JAK2: variants seen among roughly 807,000 people sequenced by gnomAD.
JAK2 encodes the protein tyrosine-protein kinase JAK2.
A neutral mutation model predicts 139.3 loss-of-function variants in JAK2; 86 were observed. That is an observed-to-expected ratio of 0.62 (90% CI 0.52 to 0.74). The LOEUF (loss-of-function observed/expected upper bound fraction) is 0.74, where lower values mean the gene tolerates loss of function less well. Ranked by LOEUF, JAK2 falls within the 30% of genes least tolerant of loss-of-function variation. JAK2 has a pLI of 0.00. For synonymous variants in JAK2, 490 were observed against 437.7 expected (o/e 1.12, Z -1.49); for missense variants, 1,421 against 1,360.3 (o/e 1.04, Z -0.70).
Position 5,054,704 on chromosome 9 carries a change from T to G in JAK2, c.756T>G (p.Leu252=). 6.2e-7 allele frequency: 1 copy of G among 1,613,392 alleles called. No individual in the cohort carries two copies. The highest frequency in any genetic ancestry group is 8.5e-7 in the Non-Finnish European group (1 of 1,179,452). ...AAGCCACTGCCAGAAACTTGAAACT[T>G]AAGTATCTTATAAATCTGGAAACTC... ...QCKATARNLK[L]KYLINLETLQ... The change falls in exon 7 of 25, where the codon CTT becomes CTG. Residue 252 remains leucine (L), a synonymous_variant. Transcript: ENST00000381652. The surrounding 1 kb of genome is among the most constrained non-coding windows in gnomAD (Gnocchi z 4.9).
intron 8 of JAK2, among the ~76,000 whole-genome samples, chr9:5,056,912 A>G (rs190295301): frequency 1.8e-4 from 27 of 152,314 alleles, no homozygotes; most frequent in African/African-American, 6.0e-4. Flanking sequence ...TGGTAGGGCT[A>G]TTTAAACTCA....
intron 10 of JAK2, among the ~76,000 whole-genome samples, chr9:5,068,181 A>C (rs951335003): frequency 3.3e-5 from 5 of 152,070 alleles, no homozygotes; most frequent in Non-Finnish European, 7.4e-5. Flanking sequence ...CAACAAAAAA[A>C]AAAAAAAACA....
At chr9:4,998,497 C>A (rs371505621) in intron 2 of JAK2, among the ~76,000 whole-genome samples, 1 of 152,070 alleles carries the variant, frequency 6.6e-6, no homozygotes, top group South Asian at 2.1e-4. Context: ...CCTCGTGATC[C>A]GCCCGCCTTG....
At chr9:5,077,907 T>G (rs1246287498) in intron 15 of JAK2, among the ~76,000 whole-genome samples, 2 of 152,172 alleles carry the variant, frequency 1.3e-5, no homozygotes, top group African/African-American at 4.8e-5. Context: ...TACATTATGG[T>G]CCATGAGAAA....
chr9:5,031,456 A>G (rs1461594827), intron 4 of JAK2, among the ~76,000 whole-genome samples: 2 of 152,210 alleles, frequency 1.3e-5, no homozygotes, highest in African/African-American at 4.8e-5. Context: ...AAATCTTTTC[A>G]TATTAACGTG....
chr9:5,082,916 G>C (rs796229285), intron 19 of JAK2, among the ~76,000 whole-genome samples: 3 of 152,246 alleles, frequency 2.0e-5, no homozygotes, highest in African/African-American at 7.2e-5. Flanking sequence ...AATTGTTCAG[G>C]GTACAGATCA....
chr9:5,085,942 T>G (rs1586762517), intron 19 of JAK2: 17 of 1,120,526 alleles, frequency 1.5e-5, no homozygotes, highest in Non-Finnish European at 2.3e-5. Flanking sequence ...CAACCGAGTT[T>G]GAAAGGATCG....
intron 5 of JAK2, among the ~76,000 whole-genome samples, chr9:5,047,902 G>A (rs1817128856): frequency 6.6e-6 from 1 of 151,978 alleles, no homozygotes; most frequent in African/African-American, 2.4e-5. Flanking sequence ...CACCTGGCCT[G>A]AAATTTTTCA....
At chr9:5,042,305 T>G (rs895328552) in intron 4 of JAK2, among the ~76,000 whole-genome samples, 15 of 150,012 alleles carry the variant, frequency 1.0e-4, no homozygotes, top group African/African-American at 3.4e-4. Context: ...GCCCGGCTAA[T>G]TTTTTGTATT....
At chr9:5,083,502 A>G (rs1379159475) in intron 19 of JAK2, among the ~76,000 whole-genome samples, 1 of 152,168 alleles carries the variant, frequency 6.6e-6, no homozygotes, top group Non-Finnish European at 1.5e-5. Context: ...TTTTCTGGGA[A>G]CTTATAGCAT....
chr9:5,044,724 G>GT (rs981039783), intron 5 of JAK2, among the ~76,000 whole-genome samples: 2 of 152,188 alleles, frequency 1.3e-5, no homozygotes, highest in Admixed American at 6.5e-5. Context: ...ATTTTATAAA[G>GT]TTTTTTTGGA....
At chr9:5,088,311 T>C (rs1820291508) in intron 19 of JAK2, among the ~76,000 whole-genome samples, 1 of 152,192 alleles carries the variant, frequency 6.6e-6, no homozygotes, top group Admixed American at 6.5e-5. Flanking sequence ...CTACATGGTC[T>C]AGGTTTTTTA....
chr9:5,010,481 C>T lies in JAK2; in HGVS notation c.-25-11482C>T, dbSNP rs139479139. Among the ~76,000 whole-genome samples the T allele has an allele frequency of 1.4e-4, 21 of 152,060 alleles. No homozygotes were observed. The East Asian group carries it at 2.1e-3, about 15-fold the overall frequency. The stretch of plus-strand genomic sequence containing the variant: ...GATTACAGGCGTGTACCACTATGCC[C>T]GGCTAATTTTTATATTTTTAGTACA... On this transcript the variant is annotated intron_variant, in intron 2 of 24. Transcript: ENST00000381652.
intron 19 of JAK2, 59 bp downstream of exon 19, chr9:5,081,920 G>C (rs993617433): frequency 2.1e-5 from 29 of 1,398,798 alleles, no homozygotes; most frequent in Admixed American, 3.7e-5. Context: ...AAAAACTTAA[G>C]AGCGTTTCTA....
rs529894844 is a variant in JAK2, at chr9:5,111,271, C to G, written c.3060-11733C>G. ...AGAGACGCAGGCGTGCGCAGCCTGA[C>G]TCAGGCTGGCTTCCTGCCGGGCAAG... On this transcript the variant is annotated intron_variant, in intron 22 of 24. Coordinates refer to ENST00000381652, the MANE Select transcript of JAK2 (RefSeq NM_004972.4). 639 of 491,846 alleles carry G rather than the reference C, an allele frequency of 1.3e-3. 5 individuals carry two copies. Among genetic ancestry groups the G allele is most frequent in the African/African-American group, 0.011 (587 of 51,672 alleles). 30.5% of individuals were successfully genotyped at this position (491,846 alleles called of 1,614,324 possible). A position where few individuals can be genotyped will look rare whatever the true frequency, so the allele number is the denominator to read the frequency against.
chr9:4,993,825 T>G (rs1241798563), intron 2 of JAK2, among the ~76,000 whole-genome samples: 1 of 152,236 alleles, frequency 6.6e-6, no homozygotes, highest in Non-Finnish European at 1.5e-5. Context: ...GGCCACTGTT[T>G]GTGTGGAGTT....
Position 5,126,860 on chromosome 9 carries a change from GGACT to G in JAK2, c.*70_*73del. On this transcript the variant is annotated 3_prime_UTR_variant, in exon 25 of 25. Transcript: ENST00000381652. ...AAAGTTTTATATTTCACATTGCTGT[GGACT>G]ATTATTACATATATCATTATTATAT... The G allele has an allele frequency of 3.5e-6, 3 of 862,440 alleles. No individual in the cohort carries two copies. The highest frequency in any genetic ancestry group is 5.6e-6 in the Non-Finnish European group (3 of 533,316). 53.4% of individuals were successfully genotyped at this position (862,440 alleles called of 1,614,324 possible).
At chr9:4,984,834 C>A (rs879866844), upstream of JAK2, 2 of 152,256 alleles carry the variant, frequency 1.3e-5, no homozygotes, top group Non-Finnish European at 2.9e-5. Context: ...TAGTGAGGGC[C>A]GGGCCCAGCG....
intron 22 of JAK2, among the ~76,000 whole-genome samples, chr9:5,119,791 T>C (rs1472535653): frequency 2.0e-5 from 3 of 152,192 alleles, no homozygotes; most frequent in Non-Finnish European, 4.4e-5. Flanking sequence ...TTTTCATATG[T>C]ACTTAATGAA....
Sources: gnomAD v4.1 joint callset for allele counts (sites outside exome capture counted in the v4.1 genomes callset) on GRCh38, gnomAD v4.1.1 for gene constraint, Gnocchi (gnomAD v3.1) non-coding constraint, MANE v1.5 for transcripts, NCBI Gene and HGNC (gene_info 2026-07-23, HGNC 2026-07-21) for gene names.